Variants in CCDC178 observed in about 807,000 individuals in gnomAD.
The protein encoded by CCDC178 is coiled-coil domain containing 178.
Under a neutral mutation model 117.4 loss-of-function variants are expected in CCDC178, and 126 were observed. The ratio of observed to expected loss-of-function variants is 1.07; its 90% CI spans 0.93 to 1.24. CCDC178 has a LOEUF of 1.24. Among genes scored for constraint, CCDC178 ranks in the 50% most tolerant of loss-of-function variants. The pLI is 0.00. For synonymous variants in CCDC178, 283 were observed against 313.4 expected, an observed-to-expected ratio of 0.90 and a Z score of 1.02; for missense variants, 1,030 against 986.9, an observed-to-expected ratio of 1.04 and a Z score of -0.59.
intron 20 of CCDC178, among the ~76,000 whole-genome samples, chr18:33,167,064 A>T (rs927332710): frequency 7.2e-5 from 11 of 152,150 alleles, no homozygotes; most frequent in Non-Finnish European, 1.2e-4. Context: ...TTTGCTTAGG[A>T]TAATGGCCTC....
intron 12 of CCDC178, among the ~76,000 whole-genome samples, chr18:33,282,373 C>A (rs1301964374): frequency 6.6e-6 from 1 of 152,152 alleles, no homozygotes; most frequent in Non-Finnish European, 1.5e-5. Context: ...CTAGGCTCGA[C>A]TTGCTCCTGT....
intron 21 of CCDC178, among the ~76,000 whole-genome samples, chr18:33,037,423 T>C (rs1365823055): frequency 6.6e-6 from 1 of 151,918 alleles, no homozygotes; most frequent in Non-Finnish European, 1.5e-5. Flanking sequence ...CTCTAACTTA[T>C]CTGTCATTGA....
chr18:33,131,274 C>G (rs995497833), intron 20 of CCDC178, among the ~76,000 whole-genome samples: 1 of 151,750 alleles, frequency 6.6e-6, no homozygotes, highest in Non-Finnish European at 1.5e-5. Context: ...TTTCTACATG[C>G]AGCACAGCTA....
intron 20 of CCDC178, among the ~76,000 whole-genome samples, chr18:33,124,114 G>A (rs1163822531): frequency 6.6e-6 from 1 of 152,170 alleles, no homozygotes; most frequent in Non-Finnish European, 1.5e-5. Flanking sequence ...TTGTTGTGAA[G>A]TGTAAATGGA....
intron 21 of CCDC178, among the ~76,000 whole-genome samples, chr18:32,987,715 C>A (rs950462460): frequency 2.0e-4 from 31 of 152,118 alleles, no homozygotes; most frequent in Admixed American, 1.6e-3. Flanking sequence ...ATGTTCCTGA[C>A]AACAAAACAA....
intron 20 of CCDC178, among the ~76,000 whole-genome samples, chr18:33,159,120 T>C (rs2058434943): frequency 6.6e-6 from 1 of 152,092 alleles, no homozygotes; most frequent in Non-Finnish European, 1.5e-5. Flanking sequence ...ATTAATTTAT[T>C]ATGGGTCACA....
At chr18:33,074,172 A>G (rs2057163479) in intron 21 of CCDC178, among the ~76,000 whole-genome samples, 1 of 151,878 alleles carries the variant, frequency 6.6e-6, no homozygotes, top group African/African-American at 2.4e-5. Context: ...TTAAATTTTA[A>G]TTTAATTATG....
chr18:33,128,705 A>C (rs2058036426), intron 20 of CCDC178, among the ~76,000 whole-genome samples: 1 of 152,206 alleles, frequency 6.6e-6, no homozygotes, highest in Non-Finnish European at 1.5e-5. Context: ...GTCCCTAAGG[A>C]AGCTCTGGAA....
At chr18:33,232,007 A>G (rs958131589) in intron 15 of CCDC178, among the ~76,000 whole-genome samples, 2 of 152,202 alleles carry the variant, frequency 1.3e-5, no homozygotes, top group Non-Finnish European at 2.9e-5. Flanking sequence ...CAGATAGTAA[A>G]TATTTTAAGC....
At chr18:33,088,972 G>A (rs1241063502) in intron 21 of CCDC178, among the ~76,000 whole-genome samples, 1 of 152,062 alleles carries the variant, frequency 6.6e-6, no homozygotes, top group Non-Finnish European at 1.5e-5. Flanking sequence ...TTTTAAAGAG[G>A]AGGGCAATAT....
In CCDC178 at chr18:33,066,911, C is replaced by T. The variant is rs982600771; in HGVS notation, c.2388+25850G>A. Among the ~76,000 whole-genome samples, 38 of 152,094 alleles carry T rather than the reference C, an allele frequency of 2.5e-4. 1 individual carries two copies. Among genetic ancestry groups the T allele is most frequent in the African/African-American group, 9.2e-4 (38 of 41,420 alleles). On this transcript the variant is annotated intron_variant, in intron 21 of 22. Coordinates refer to ENST00000383096, the MANE Select transcript of CCDC178 (RefSeq NM_001105528.4). ...ACTCTAATACAGTAATATTTGGAGA[C>T]TTCAACACCCCACTCTTAATATTGG...
chr18:33,363,806 A>G (rs1173130293), intron 6 of CCDC178, among the ~76,000 whole-genome samples: 2 of 152,056 alleles, frequency 1.3e-5, no homozygotes, highest in Non-Finnish European at 2.9e-5. Flanking sequence ...AAGATATAAA[A>G]CTGTTTTAAG....
intron 15 of CCDC178, among the ~76,000 whole-genome samples, chr18:33,236,189 G>T (rs571305738): frequency 2.0e-4 from 31 of 152,244 alleles, no homozygotes; most frequent in South Asian, 2.1e-4. Flanking sequence ...ATGGATTAAA[G>T]ATTAATTTCA....
intron 7 of CCDC178, among the ~76,000 whole-genome samples, chr18:33,349,435 T>C (rs1246841658): frequency 2.6e-5 from 4 of 151,924 alleles, no homozygotes; most frequent in Non-Finnish European, 5.9e-5. Context: ...CTAGTAGCTA[T>C]ACTGTTGGAA....
At chr18:33,319,415 C>A (rs1448353883) in intron 11 of CCDC178, among the ~76,000 whole-genome samples, 2 of 152,044 alleles carry the variant, frequency 1.3e-5, no homozygotes, top group Non-Finnish European at 2.9e-5. Context: ...TGTATATGTG[C>A]CACATTTTCT....
chr18:33,366,782 T>C (rs2063213654), intron 6 of CCDC178, among the ~76,000 whole-genome samples: 2 of 152,044 alleles, frequency 1.3e-5, no homozygotes, highest in Admixed American at 6.6e-5. Flanking sequence ...CCCTGGAAAC[T>C]GGTGAAAGGG....
At chr18:33,184,660 T>C (rs574930147) in intron 20 of CCDC178, among the ~76,000 whole-genome samples, 6 of 152,172 alleles carry the variant, frequency 3.9e-5, no homozygotes, top group South Asian at 2.1e-4. Context: ...GAAAACTTCA[T>C]AGACTCAGAA....
chr18:33,359,745 C>G (rs915413646), intron 6 of CCDC178, among the ~76,000 whole-genome samples: 1 of 151,374 alleles, frequency 6.6e-6, no homozygotes, highest in African/African-American at 2.4e-5. Context: ...TCTGATTTTA[C>G]CAAAATAGCA....
intron 2 of CCDC178, among the ~76,000 whole-genome samples, chr18:33,430,024 C>G (rs995023612): frequency 1.3e-5 from 2 of 152,018 alleles, no homozygotes; most frequent in African/African-American, 4.8e-5. Context: ...ATGATAAAAG[C>G]AAAGCTAAGA....
Sources: gnomAD v4.1 joint callset for allele counts (sites outside exome capture counted in the v4.1 genomes callset) on GRCh38, gnomAD v4.1.1 for gene constraint, MANE v1.5 for transcripts, NCBI Gene and HGNC (gene_info 2026-07-23, HGNC 2026-07-21) for gene names.